The following TOX2 variants were observed in gnomAD, a reference collection of about 807,000 sequenced individuals.
TOX2 encodes the protein granulosa cell HMG box 1.
Under a neutral mutation model 47.4 loss-of-function variants are expected in TOX2, and 15 were observed. The ratio of observed to expected loss-of-function variants is 0.32; its 90% CI spans 0.21 to 0.49. TOX2 has a LOEUF of 0.49. TOX2 is among the 20% of genes least tolerant of loss of function. The pLI is 0.99. For missense variants in TOX2, 622 were observed against 673.1 expected (o/e 0.92, Z 0.84); for synonymous variants, 290 against 296.6 (o/e 0.98, Z 0.23).
At chr20:44,001,083 A>T (rs997718906) in intron 2 of TOX2, among the ~76,000 whole-genome samples, 6 of 152,146 alleles carry the variant, frequency 3.9e-5, no homozygotes, top group African/African-American at 1.2e-4. Flanking sequence ...GTAAGATTTT[A>T]CTAATATTTT....
intron 3 of TOX2, among the ~76,000 whole-genome samples, chr20:44,009,525 T>C (rs57184029): frequency 0.042 from 6,368 of 152,308 alleles, 379 homozygotes; most frequent in African/African-American, 0.13. Flanking sequence ...AGACTCACAC[T>C]GCCATGTCTG....
rs111951284 is a variant in TOX2, at chr20:44,053,439, TACACAC to T, written c.652-832_652-827del. Among the ~76,000 whole-genome samples the T allele has an allele frequency of 6.1e-4, 87 of 143,138 alleles. 1 individual carries two copies. In the South Asian group the frequency reaches 6.5e-3, roughly 11 times the overall value. 93.9% of individuals were successfully genotyped at this position (143,138 alleles called of 152,430 possible). On this transcript the variant is annotated intron_variant, in intron 4 of 8. Transcript: ENST00000341197. ...GCTCACAAGTGGGAGGGCAGATATA[TACACAC>T]ACACACACACACACACACACACACA...
rs61300954 is a variant in TOX2, at chr20:44,009,662, A to G, written c.411+2870A>G. Among the ~76,000 whole-genome samples, 258 of 152,360 alleles carry G rather than the reference A, an allele frequency of 1.7e-3. 2 individuals are homozygous for G. The highest frequency in any genetic ancestry group is 5.6e-3 in the African/African-American group (233 of 41,590). Reference sequence around the variant, plus strand: ...ATGCTTAGCGTTTCAGTAATGGAACACTAGGCATAAATGGGTTTCCAGTTC... The same window carrying G: ...ATGCTTAGCGTTTCAGTAATGGAACGCTAGGCATAAATGGGTTTCCAGTTC... On this transcript the variant is annotated intron_variant, in intron 3 of 8. Transcript: ENST00000341197.
chr20:43,987,028 C>T (rs1487214008), intron 2 of TOX2, among the ~76,000 whole-genome samples: 1 of 152,150 alleles, frequency 6.6e-6, no homozygotes, highest in East Asian at 1.9e-4. Flanking sequence ...TGCTCCATTG[C>T]ACTCTAGCCT....
intron 2 of TOX2, among the ~76,000 whole-genome samples, chr20:43,980,728 C>T (rs923413478): frequency 6.6e-6 from 1 of 152,138 alleles, no homozygotes; most frequent in Non-Finnish European, 1.5e-5. Context: ...ACCAGCAAAA[C>T]AAACCTTAAG....
intron 2 of TOX2, 127 bp from the exon 3 acceptor site, chr20:44,006,420 C>T: frequency 2.1e-6 from 3 of 1,437,942 alleles, no homozygotes; most frequent in Non-Finnish European, 2.8e-6. Context: ...CTTGCAGAAA[C>T]ATCATCCCTT....
At chr20:44,053,892 A>G (rs1207435165) in intron 4 of TOX2, among the ~76,000 whole-genome samples, 1 of 152,188 alleles carries the variant, frequency 6.6e-6, no homozygotes, top group Non-Finnish European at 1.5e-5. Flanking sequence ...GTCTGATTAT[A>G]AGGCAAATTA....
At chr20:44,000,219 G>A (rs2070550974) in intron 2 of TOX2, among the ~76,000 whole-genome samples, 1 of 152,208 alleles carries the variant, frequency 6.6e-6, no homozygotes, top group South Asian at 2.1e-4. Context: ...TTATATTTTA[G>A]CAGGATAATT....
At chr20:43,986,265 A>ATGTATGTG (rs1056476740) in intron 2 of TOX2, among the ~76,000 whole-genome samples, 2 of 151,070 alleles carry the variant, frequency 1.3e-5, no homozygotes, top group African/African-American at 4.9e-5. Context: ...AAATGTATGT[A>ATGTATGTG]TGTATGTATG....
intron 3 of TOX2, among the ~76,000 whole-genome samples, chr20:44,049,478 C>T (rs2071471121): frequency 2.0e-5 from 3 of 152,122 alleles, no homozygotes; most frequent in Admixed American, 1.3e-4. Context: ...ATTTCCAGAA[C>T]TCTTCTTTTT....
intron 5 of TOX2, among the ~76,000 whole-genome samples, chr20:44,058,039 G>GAC (rs1412349790): frequency 6.6e-6 from 1 of 152,094 alleles, no homozygotes; most frequent in East Asian, 1.9e-4. Context: ...CGGACAGACA[G>GAC]AGCACGGAGA....
In TOX2 at chr20:44,060,643, C is replaced by T. The variant is rs1307760663; in HGVS notation, c.880-4134C>T. Among the ~76,000 whole-genome samples, 5 of 152,026 alleles carry T rather than the reference C, an allele frequency of 3.3e-5. No individual in the cohort carries two copies. In the East Asian group the frequency reaches 9.6e-4, roughly 29 times the overall value. ...CAAATATATGGAAATAGTTAAATAA[C>T]CTGCTCCTGAATGATTGTTGGGTCA... On this transcript the variant is annotated intron_variant, in intron 5 of 8. Transcript: ENST00000341197.
At chr20:43,964,603 G>C (rs1329956604) in intron 1 of TOX2, among the ~76,000 whole-genome samples, 1 of 152,232 alleles carries the variant, frequency 6.6e-6, no homozygotes, top group Non-Finnish European at 1.5e-5. Context: ...TCTCTGTGCA[G>C]AGGGGAGGAG....
intron 1 of TOX2, among the ~76,000 whole-genome samples, chr20:43,928,997 A>AAAAACAACAAC (rs540054093): frequency 2.7e-5 from 4 of 149,672 alleles, no homozygotes; most frequent in African/African-American, 1.0e-4. Context: ...AAAAAAAAAA[A>AAAAACAACAAC]AACAACAACA....
At chr20:44,047,052 A>G (rs2071421159) in intron 3 of TOX2, among the ~76,000 whole-genome samples, 1 of 152,220 alleles carries the variant, frequency 6.6e-6, no homozygotes, top group Admixed American at 6.5e-5. Flanking sequence ...TCTTCCAAAT[A>G]ACTTTAGGGT....
chr20:44,044,577 C>T (rs941955805), intron 3 of TOX2, among the ~76,000 whole-genome samples: 6 of 152,094 alleles, frequency 3.9e-5, no homozygotes, highest in African/African-American at 1.2e-4. Flanking sequence ...TTCACTCTAC[C>T]TCACACCTAT....
At chr20:43,961,395 A>C (rs1005464964) in intron 1 of TOX2, among the ~76,000 whole-genome samples, 3 of 152,038 alleles carry the variant, frequency 2.0e-5, no homozygotes, top group Admixed American at 6.6e-5. Context: ...TGCTCAAGTG[A>C]ATGTTGTGGC....
At position 44,066,036 on chromosome 20, in the gene TOX2, C is replaced by G. The variant is rs1339428186; in HGVS notation, c.1285C>G (p.Pro429Ala). Residue 429 changes from proline to alanine, a missense_variant, in exon 7 of 9, where the codon CCC becomes GCC. This residue lies in a region of TOX2 where 294 missense variants were observed against 300.0 expected (regional missense o/e 0.98). Coordinates refer to ENST00000341197, the MANE Select transcript of TOX2 (RefSeq NM_001098797.2). ...PPVSMSPAPQ[P>A]PVLPTPMALQ... is the part of the protein sequence containing the mutation. ...TGTTAGCATGTCCCCAGCCCCCCAGCCCCCTGTCCTGCCCACCCCCATGGC... is the reference window on the plus strand; with the variant it reads ...TGTTAGCATGTCCCCAGCCCCCCAGGCCCCTGTCCTGCCCACCCCCATGGC... 3 of 1,599,318 alleles carry G rather than the reference C, an allele frequency of 1.9e-6. No homozygotes were observed. The highest frequency in any genetic ancestry group is 4.5e-5 in the East Asian group (2 of 44,712).
chr20:44,035,119 C>T (rs370511696), intron 3 of TOX2, among the ~76,000 whole-genome samples: 4 of 152,236 alleles, frequency 2.6e-5, no homozygotes, highest in Admixed American at 1.3e-4. Context: ...CTGTACCAGC[C>T]CCCTCTCTGG....
Sources: allele counts gnomAD v4.1 joint callset (sites outside exome capture counted in the v4.1 genomes callset), GRCh38; gene constraint gnomAD v4.1.1; regional missense constraint gnomAD v4.1.1; transcripts MANE v1.5; gene names NCBI Gene and HGNC (gene_info 2026-07-23, HGNC 2026-07-21).